SLC9B1: variants seen among roughly 807,000 people sequenced by gnomAD.
SLC9B1 encodes sodium/hydrogen exchanger 9B1.
SLC9B1 carries 32 observed loss-of-function variants against 51.7 expected under a neutral mutation model. The ratio of observed to expected loss-of-function variants is 0.62; its 90% confidence interval spans 0.47 to 0.83. The LOEUF is 0.83. Among genes scored for constraint, SLC9B1 ranks in the 40% least tolerant of loss-of-function variants. SLC9B1 has a pLI of 0.00. For synonymous variants in SLC9B1, 145 were observed against 212.7 expected (o/e 0.68, Z 2.77); for missense variants, 406 against 613.2 (o/e 0.66, Z 3.57).
intron 3 of SLC9B1, among the ~76,000 whole-genome samples, chr4:102,961,727 T>A (rs546181555): frequency 1.2e-4 from 19 of 152,398 alleles, no homozygotes; most frequent in Non-Finnish European, 2.1e-4. Context: ...ATTCCTTTTT[T>A]AAAATTTATT....
chr4:102,995,418 C>T (rs995763136), intron 1 of SLC9B1, among the ~76,000 whole-genome samples: 24 of 152,000 alleles, frequency 1.6e-4, no homozygotes, highest in African/African-American at 5.6e-4. Flanking sequence ...AAACATAACA[C>T]CAAGAATCAT....
At chr4:102,991,338 T>C (rs560432087) in intron 2 of SLC9B1, among the ~76,000 whole-genome samples, 1 of 152,206 alleles carries the variant, frequency 6.6e-6, no homozygotes, top group East Asian at 1.9e-4. Context: ...GACTTATCTT[T>C]ACCTCTGTTA....
intron 6 of SLC9B1, among the ~76,000 whole-genome samples, chr4:102,942,011 T>C (rs544794055): frequency 1.3e-5 from 2 of 152,242 alleles, no homozygotes; most frequent in East Asian, 3.9e-4. Flanking sequence ...TATACACCGA[T>C]GGTGACTGAG....
intron 4 of SLC9B1, 25 bp from the exon 5 acceptor site, chr4:102,946,814 C>A (rs1428235595): frequency 6.5e-7 from 1 of 1,539,244 alleles, no homozygotes; most frequent in East Asian, 2.4e-5. Flanking sequence ...AATAAAGATA[C>A]ATGACAGTTC....
chr4:102,924,620 A>G (rs964378922), intron 7 of SLC9B1, among the ~76,000 whole-genome samples: 3 of 152,220 alleles, frequency 2.0e-5, no homozygotes, highest in Non-Finnish European at 4.4e-5. Context: ...GTGAACAGAC[A>G]ACCTACAGAA....
At chr4:102,962,885 A>T (rs1324612304) in intron 3 of SLC9B1, 2 of 470,478 alleles carry the variant, frequency 4.3e-6, no homozygotes, top group Non-Finnish European at 8.8e-6. Flanking sequence ...GAAGTTCATA[A>T]TAGATGTTGG....
intron 3 of SLC9B1, among the ~76,000 whole-genome samples, chr4:102,958,747 C>T (rs939339091): frequency 6.6e-6 from 1 of 151,922 alleles, no homozygotes; most frequent in African/African-American, 2.4e-5. Flanking sequence ...ATGGTGAAAC[C>T]CCGTGTCTAC....
At chr4:102,898,393 C>T (rs1271575230), downstream of SLC9B1, among the ~76,000 whole-genome samples, 1 of 152,102 alleles carries the variant, frequency 6.6e-6, no homozygotes, top group Admixed American at 6.5e-5. Flanking sequence ...AACGTCAGAT[C>T]TAACAAATGC....
At chr4:102,886,723 C>T (rs1733941289) in intron 11 of SLC9B1, among the ~76,000 whole-genome samples, 1 of 151,656 alleles carries the variant, frequency 6.6e-6, no homozygotes, top group South Asian at 2.1e-4. Context: ...TCAAGGAATT[C>T]TCCCACCTCA....
intron 6 of SLC9B1, among the ~76,000 whole-genome samples, chr4:102,938,566 T>C (rs1479607189): frequency 6.6e-6 from 1 of 152,144 alleles, no homozygotes; most frequent in African/African-American, 2.4e-5. Flanking sequence ...AACAACAGAA[T>C]ATATGTTCCT....
intron 11 of SLC9B1, among the ~76,000 whole-genome samples, chr4:102,894,010 G>T (rs548629919): frequency 1.3e-5 from 2 of 152,216 alleles, no homozygotes; most frequent in East Asian, 3.9e-4. Context: ...ACAAAAAAGA[G>T]TAATACAGTA....
intron 3 of SLC9B1, among the ~76,000 whole-genome samples, chr4:102,960,322 C>T (rs1159696674): frequency 1.3e-5 from 2 of 151,990 alleles, no homozygotes; most frequent in Non-Finnish European, 2.9e-5. Flanking sequence ...GCAATTACAA[C>T]TCTGGGTAGA....
chr4:102,990,769 A>C (rs908100958), intron 2 of SLC9B1, among the ~76,000 whole-genome samples: 1 of 152,034 alleles, frequency 6.6e-6, no homozygotes, highest in Non-Finnish European at 1.5e-5. Context: ...AAAAGGCTAG[A>C]GTGCATGGAC....
chr4:102,980,523 A>T (rs1018507819), intron 3 of SLC9B1, among the ~76,000 whole-genome samples: 4 of 152,086 alleles, frequency 2.6e-5, no homozygotes, highest in Non-Finnish European at 5.9e-5. Flanking sequence ...GTTTTCACTT[A>T]TATGTGGGAG....
intron 7 of SLC9B1, among the ~76,000 whole-genome samples, chr4:102,922,554 AT>A (rs879775516): frequency 1.5e-4 from 23 of 151,920 alleles, no homozygotes; most frequent in Non-Finnish European, 3.1e-4. Flanking sequence ...AAAAAATAAG[AT>A]CAGAGCAGAG....
intron 6 of SLC9B1, among the ~76,000 whole-genome samples, chr4:102,940,451 T>C (rs1736932921): frequency 3.9e-5 from 6 of 152,086 alleles, no homozygotes; most frequent in Admixed American, 3.9e-4. Flanking sequence ...ACAGAGTCAA[T>C]GCTATTCCTA....
chr4:102,990,845 T>C (rs932112317), intron 2 of SLC9B1, among the ~76,000 whole-genome samples: 4 of 152,196 alleles, frequency 2.6e-5, no homozygotes, highest in African/African-American at 9.6e-5. Flanking sequence ...AGCTGATGGT[T>C]AAAAATGAAT....
downstream of SLC9B1, among the ~76,000 whole-genome samples, chr4:102,896,374 C>T (rs10012413): frequency 0.58 from 87,506 of 151,928 alleles, 26,506 homozygotes; most frequent in African/African-American, 0.78. Flanking sequence ...ATTTTTCTCA[C>T]TTTTTTCTAA....
intron 8 of SLC9B1, 108 bp downstream of exon 8, chr4:102,911,323 T>C: frequency 1.3e-6 from 1 of 747,898 alleles, no homozygotes; most frequent in Non-Finnish European, 2.1e-6. Flanking sequence ...TGGAGGCTAG[T>C]TTTAGAGAAA....
Sources: allele counts gnomAD v4.1 joint callset (sites outside exome capture counted in the v4.1 genomes callset), GRCh38; gene constraint gnomAD v4.1.1; transcripts MANE v1.5; gene names NCBI Gene and HGNC (gene_info 2026-07-23, HGNC 2026-07-21).